Variants in CRIM1 observed in about 807,000 individuals in gnomAD.
CRIM1 encodes cysteine-rich motor neuron 1 protein.
A neutral mutation model predicts 116.4 loss-of-function variants in CRIM1; 32 were observed. The observed-to-expected ratio is 0.27, with a 90% CI of 0.21 to 0.37. The LOEUF (loss-of-function observed/expected upper bound fraction) is 0.37, where lower values mean the gene tolerates loss of function less well. Among genes scored for constraint, CRIM1 ranks in the 10% least tolerant of loss-of-function variants. CRIM1 has a pLI of 1.00. For missense variants in CRIM1, 1,331 were observed against 1,354.8 expected, an observed-to-expected ratio of 0.98 and a Z score of 0.28; for synonymous variants, 590 against 509.2, an observed-to-expected ratio of 1.16 and a Z score of -2.13.
At chr2:36,494,239 A>C (rs1245714999) in intron 7 of CRIM1, among the ~76,000 whole-genome samples, 1 of 152,184 alleles carries the variant, frequency 6.6e-6, no homozygotes, top group Admixed American at 6.5e-5. Flanking sequence ...TGAGTAGATA[A>C]AATTGCTCCT....
intron 2 of CRIM1, among the ~76,000 whole-genome samples, chr2:36,420,860 G>A (rs1674002664): frequency 6.6e-6 from 1 of 152,298 alleles, no homozygotes; most frequent in Non-Finnish European, 1.5e-5. Context: ...AGGGCTTTGA[G>A]TGTCATGGCA....
intron 1 of CRIM1, among the ~76,000 whole-genome samples, chr2:36,375,312 A>G (rs1353740638): frequency 6.6e-6 from 1 of 152,226 alleles, no homozygotes; most frequent in African/African-American, 2.4e-5. Flanking sequence ...TCAGGAAAAT[A>G]GACTTTTCCT....
chr2:36,363,529 G>C lies in CRIM1; in HGVS notation c.331+6906G>C, dbSNP rs868297387. ...GTTACTGAATTCAGCAGTCGTCGCC[G>C]CCCCCCCCCCCCATGACTATCTTTT... is the stretch of plus-strand genomic sequence containing the variant. On this transcript the variant is annotated intron_variant, in intron 1 of 16. Coordinates refer to ENST00000280527, the MANE Select transcript of CRIM1 (RefSeq NM_016441.3). Among the ~76,000 whole-genome samples, 133 of 77,772 alleles carry C rather than the reference G, an allele frequency of 1.7e-3. 2 individuals carry two copies. The highest frequency in any genetic ancestry group is 3.1e-3 in the Admixed American group (21 of 6,840). 51.0% of individuals were successfully genotyped at this position (77,772 alleles called of 152,430 possible).
chr2:36,384,763 A>G (rs1326203633), intron 1 of CRIM1, among the ~76,000 whole-genome samples: 1 of 152,162 alleles, frequency 6.6e-6, no homozygotes, highest in Non-Finnish European at 1.5e-5. Flanking sequence ...ATGCCTTTAA[A>G]ATCAGTGGAT....
At chr2:36,382,421 T>G (rs1288099890) in intron 1 of CRIM1, among the ~76,000 whole-genome samples, 1 of 152,260 alleles carries the variant, frequency 6.6e-6, no homozygotes, top group African/African-American at 2.4e-5. Flanking sequence ...TTAACTTCTG[T>G]GCCCAGGGTA....
In CRIM1 at chr2:36,356,704, CGA is replaced by C. The variant is rs1327016689; in HGVS notation, c.331+84_331+85del. 1.4e-6 allele frequency: 2 copies of C among 1,391,636 alleles called. No individual in the cohort carries two copies. The highest frequency in any genetic ancestry group is 4.3e-5 in the Admixed American group (2 of 46,628). 86.2% of individuals were successfully genotyped at this position (1,391,636 alleles called of 1,614,324 possible). A position where few individuals can be genotyped will look rare whatever the true frequency, so the allele number is the denominator to read the frequency against. On this transcript the variant is annotated intron_variant, in intron 1 of 16. Transcript: ENST00000280527. This position sits in a 1 kb window ranked among gnomAD's most constrained non-coding sequence, Gnocchi z 4.3. ...CTGGTTGTGCCGAACAAAGTTTGGG[CGA>C]GACTTTCTGGAGGAAAGAGGGCTCT...
intron 2 of CRIM1, among the ~76,000 whole-genome samples, chr2:36,403,888 CAGAG>C (rs963369699): frequency 7.9e-5 from 12 of 152,048 alleles, no homozygotes; most frequent in Middle Eastern, 3.2e-3. Flanking sequence ...GTCTGGAACT[CAGAG>C]AGAGATCTGA....
At chr2:36,514,662 C>G (rs941980587) in intron 11 of CRIM1, among the ~76,000 whole-genome samples, 1 of 152,180 alleles carries the variant, frequency 6.6e-6, no homozygotes, top group Admixed American at 6.5e-5. Context: ...GATTGTTTTT[C>G]CTCTGGTCAG....
intron 15 of CRIM1, among the ~76,000 whole-genome samples, chr2:36,545,921 T>C (rs1256033129): frequency 6.6e-6 from 1 of 152,180 alleles, no homozygotes; most frequent in East Asian, 1.9e-4. Flanking sequence ...CTGGAAAATA[T>C]GTTTCTATAA....
intron 5 of CRIM1, among the ~76,000 whole-genome samples, chr2:36,465,443 C>T (rs1677932378): frequency 6.6e-6 from 1 of 152,216 alleles, no homozygotes; most frequent in Non-Finnish European, 1.5e-5. Flanking sequence ...CTTGTATACA[C>T]AGGAAGATGG....
At chr2:36,467,017 AT>A (rs1486778558) in intron 5 of CRIM1, among the ~76,000 whole-genome samples, 3 of 152,184 alleles carry the variant, frequency 2.0e-5, no homozygotes, top group Non-Finnish European at 4.4e-5. Context: ...CAAACTACTA[AT>A]AGCCGTACCT....
chr2:36,546,902 G>C, intron 15 of CRIM1, 82 bp from the exon 16 acceptor site: 1 of 776,528 alleles, frequency 1.3e-6, no homozygotes, highest in Non-Finnish European at 2.1e-6. Flanking sequence ...CCAAGTTGCT[G>C]ATCTCTATTT....
At chr2:36,538,566 G>A in intron 14 of CRIM1, among the ~76,000 whole-genome samples, 1 of 152,228 alleles carries the variant, frequency 6.6e-6, no homozygotes, top group East Asian at 1.9e-4. Flanking sequence ...TAGGGCAGTT[G>A]TTAAACCCAA....
At chr2:36,393,392 A>G (rs2148368619) in intron 1 of CRIM1, among the ~76,000 whole-genome samples, 1 of 152,218 alleles carries the variant, frequency 6.6e-6, no homozygotes, top group East Asian at 1.9e-4. Flanking sequence ...GTGTGTATAT[A>G]TGTATACACA....
intron 1 of CRIM1, among the ~76,000 whole-genome samples, chr2:36,359,641 G>T (rs1411290074): frequency 2.0e-5 from 3 of 152,186 alleles, no homozygotes; most frequent in African/African-American, 7.2e-5. Context: ...ATAATGTGAT[G>T]AGTTGTGTCC....
At chr2:36,407,425 T>A (rs1264703450) in intron 2 of CRIM1, among the ~76,000 whole-genome samples, 2 of 152,192 alleles carry the variant, frequency 1.3e-5, no homozygotes, top group Admixed American at 6.5e-5. Flanking sequence ...TATTTAAAAA[T>A]TTTTTGTTAC....
intron 1 of CRIM1, among the ~76,000 whole-genome samples, chr2:36,379,503 C>T (rs1313182121): frequency 1.3e-5 from 2 of 152,172 alleles, no homozygotes; most frequent in South Asian, 4.1e-4. Flanking sequence ...GACAACAGTG[C>T]GGCCTTCCCA....
intron 1 of CRIM1, among the ~76,000 whole-genome samples, chr2:36,374,764 G>A (rs1475339964): frequency 2.6e-5 from 4 of 152,116 alleles, no homozygotes; most frequent in Non-Finnish European, 5.9e-5. Context: ...CAAACAGATA[G>A]CTGTGATTGT....
chr2:36,499,627 C>T (rs1444962744), intron 8 of CRIM1, among the ~76,000 whole-genome samples: 1 of 152,046 alleles, frequency 6.6e-6, no homozygotes, highest in Admixed American at 6.6e-5. Flanking sequence ...CCACCCAGAA[C>T]GCTCTCCCTT....
Sources: gnomAD v4.1 joint callset for allele counts (sites outside exome capture counted in the v4.1 genomes callset) on GRCh38, gnomAD v4.1.1 for gene constraint, Gnocchi (gnomAD v3.1) non-coding constraint, MANE v1.5 for transcripts, NCBI Gene and HGNC (gene_info 2026-07-23, HGNC 2026-07-21) for gene names.